The following PDE9A variants were observed in gnomAD, a reference collection of about 807,000 sequenced individuals.
PDE9A encodes phosphodiesterase 9A.
Under a neutral mutation model 87.4 loss-of-function variants are expected in PDE9A, and 60 were observed. The observed-to-expected ratio is 0.69, with a 90% CI of 0.56 to 0.85. PDE9A has a LOEUF of 0.85. PDE9A is among the 40% of genes least tolerant of loss of function. The pLI, the probability that PDE9A is intolerant of heterozygous loss-of-function variation, is 0.00. For synonymous variants in PDE9A, 272 were observed against 279.4 expected (o/e 0.97, Z 0.27); for missense variants, 665 against 779.0 (o/e 0.85, Z 1.74).
chr21:42,698,839 A>G, intron 3 of PDE9A, 129 bp from the exon 4 acceptor site: 1 of 557,862 alleles, frequency 1.8e-6, no homozygotes, highest in East Asian at 3.0e-5. Flanking sequence ...CTAATTTAAA[A>G]AATAAAAATA....
At chr21:42,678,443 A>G (rs190479272) in intron 1 of PDE9A, among the ~76,000 whole-genome samples, 4 of 152,246 alleles carry the variant, frequency 2.6e-5, no homozygotes, top group Admixed American at 2.6e-4. Flanking sequence ...CGCAGCCTCA[A>G]TGCCCTTCTG....
In PDE9A at chr21:42,723,021, C is replaced by A. The variant is rs1352831782; in HGVS notation, c.263-8749C>A. On this transcript the variant is annotated intron_variant, in intron 4 of 19. Transcript: ENST00000291539. This position sits in a 1 kb window ranked among gnomAD's most constrained non-coding sequence, Gnocchi z 4.3. ...GTGGGGGCAGCCCCTGCCCTGGACA[C>A]CCGTGAACACGGAGGCAGCCGTGTG... 6.6e-6 allele frequency among the ~76,000 whole-genome samples: 1 copy of A among 152,258 alleles called. No individual in the cohort carries two copies. Among genetic ancestry groups the A allele is most frequent in the South Asian group, 2.1e-4 (1 of 4,838 alleles).
intron 5 of PDE9A, 23 bp downstream of exon 5, chr21:42,731,972 C>T (rs762994607): frequency 6.2e-7 from 1 of 1,612,148 alleles, no homozygotes; most frequent in Non-Finnish European, 8.5e-7. Context: ...TCCTCGGCCA[C>T]AGCCTCCACC....
At chr21:42,752,537 G>A (rs1448792020) in intron 9 of PDE9A, among the ~76,000 whole-genome samples, 1 of 152,208 alleles carries the variant, frequency 6.6e-6, no homozygotes, top group Non-Finnish European at 1.5e-5. Context: ...CCAAAGTGCT[G>A]GGATTACAGG....
chr21:42,670,445 TACAC>T, intron 1 of PDE9A, among the ~76,000 whole-genome samples: 1 of 150,642 alleles, frequency 6.6e-6, no homozygotes, highest in African/African-American at 2.5e-5. Context: ...CATACACTTA[TACAC>T]AGTCACACAG....
chr21:42,672,059 C>CTAGG (rs2058591633), intron 1 of PDE9A, among the ~76,000 whole-genome samples: 1 of 152,154 alleles, frequency 6.6e-6, no homozygotes, highest in Non-Finnish European at 1.5e-5. Context: ...GATTCACAGT[C>CTAGG]TAGGATAGAG....
intron 1 of PDE9A, among the ~76,000 whole-genome samples, chr21:42,674,628 T>G (rs889546398): frequency 1.3e-5 from 2 of 152,170 alleles, no homozygotes; most frequent in African/African-American, 4.8e-5. Context: ...CCATGCCGGA[T>G]TCTGTTCGTC....
At chr21:42,680,454 G>C (rs1181672299) in intron 1 of PDE9A, among the ~76,000 whole-genome samples, 1 of 152,228 alleles carries the variant, frequency 6.6e-6, no homozygotes, top group Non-Finnish European at 1.5e-5. Flanking sequence ...CACTTGGAAG[G>C]GGTGATCTAG....
chr21:42,759,506 G>A lies in PDE9A; in HGVS notation c.897+421G>A, dbSNP rs532548360. On this transcript the variant is annotated intron_variant, in intron 11 of 19. Coordinates refer to ENST00000291539, the MANE Select transcript of PDE9A (RefSeq NM_002606.3). The surrounding 1 kb of genome is among the most constrained non-coding windows in gnomAD (Gnocchi z 7.2). ...TGTCTGCATGTGTTTGTGAGTGGGT[G>A]TGTGGATGTAAATGTGTGGGAGCGT... 8.0e-5 allele frequency among the ~76,000 whole-genome samples: 12 copies of A among 150,296 alleles called. No homozygotes were observed. In the South Asian group the frequency reaches 2.6e-3, roughly 32 times the overall value.
intron 1 of PDE9A, among the ~76,000 whole-genome samples, chr21:42,672,516 G>A (rs137988266): frequency 4.9e-4 from 75 of 152,372 alleles, no homozygotes; most frequent in South Asian, 1.7e-3. Context: ...TGCTCACCCT[G>A]GTTCACACAG....
At chr21:42,748,357 G>A (rs940908112) in intron 8 of PDE9A, among the ~76,000 whole-genome samples, 20 of 152,238 alleles carry the variant, frequency 1.3e-4, no homozygotes, top group Admixed American at 7.2e-4. Flanking sequence ...ATCTGTTAGC[G>A]TTCCCCCTTA....
chr21:42,677,997 C>T (rs917855004), intron 1 of PDE9A, among the ~76,000 whole-genome samples: 1 of 152,226 alleles, frequency 6.6e-6, no homozygotes, highest in African/African-American at 2.4e-5. Context: ...CCACAAATGT[C>T]TGTGCAAGAA....
chr21:42,676,219 A>C (rs2146037530), intron 1 of PDE9A, among the ~76,000 whole-genome samples: 1 of 152,326 alleles, frequency 6.6e-6, no homozygotes, highest in Middle Eastern at 3.4e-3. Context: ...TAAATGACCC[A>C]GTCTCAGATA....
intron 14 of PDE9A, among the ~76,000 whole-genome samples, chr21:42,762,978 C>G (rs931591886): frequency 6.6e-6 from 1 of 152,200 alleles, no homozygotes; most frequent in African/African-American, 2.4e-5. Context: ...CAGGTGTGAG[C>G]CACCACGCCC....
At chr21:42,715,514 C>G (rs758437322) in intron 4 of PDE9A, among the ~76,000 whole-genome samples, 6 of 151,660 alleles carry the variant, frequency 4.0e-5, no homozygotes, top group Non-Finnish European at 8.8e-5. Context: ...GTAATGCCAA[C>G]TACTTGGCAG....
At chr21:42,693,492 A>T (rs774132784) in intron 3 of PDE9A, among the ~76,000 whole-genome samples, 3 of 147,944 alleles carry the variant, frequency 2.0e-5, no homozygotes, top group Admixed American at 6.8e-5. Context: ...TAGAGACGGG[A>T]TGTTAGCCAG....
intron 1 of PDE9A, among the ~76,000 whole-genome samples, chr21:42,663,984 C>G (rs2057783559): frequency 6.6e-6 from 1 of 152,176 alleles, no homozygotes; most frequent in Non-Finnish European, 1.5e-5. Flanking sequence ...CAGCCTCAGT[C>G]CCTGTGGTGA....
intron 3 of PDE9A, among the ~76,000 whole-genome samples, chr21:42,689,108 C>T (rs1293848850): frequency 6.6e-6 from 1 of 151,172 alleles, no homozygotes; most frequent in Admixed American, 6.6e-5. Flanking sequence ...AGCACCATCC[C>T]ACTCAGCGAG....
rs1458906121 is a variant in PDE9A, at chr21:42,723,151, G to C, written c.263-8619G>C. The stretch of plus-strand genomic sequence containing the variant: ...CCCTCCTTGGTCCCTCTAGAGGTTT[G>C]CTTCATTCCAGTACCCTTGGTTCTG... On this transcript the variant is annotated intron_variant, in intron 4 of 19. Transcript: ENST00000291539. The surrounding 1 kb of genome is among the most constrained non-coding windows in gnomAD (Gnocchi z 4.3). Among the ~76,000 whole-genome samples the C allele has an allele frequency of 4.6e-5, 7 of 152,238 alleles. No homozygotes were observed. The highest frequency in any genetic ancestry group is 1.5e-5 in the Non-Finnish European group (1 of 68,038).
Sources: gnomAD v4.1 joint callset for allele counts (sites outside exome capture counted in the v4.1 genomes callset) on GRCh38, gnomAD v4.1.1 for gene constraint, Gnocchi (gnomAD v3.1) non-coding constraint, MANE v1.5 for transcripts, NCBI Gene and HGNC (gene_info 2026-07-23, HGNC 2026-07-21) for gene names.